The following PLXNA1 variants were observed in gnomAD, a reference collection of about 807,000 sequenced individuals.
PLXNA1 encodes plexin A1, also known as plexin-A1.
Under a neutral mutation model 191.7 loss-of-function variants are expected in PLXNA1, and 77 were observed. The observed-to-expected ratio is 0.40, with a 90% CI of 0.33 to 0.49. The LOEUF is 0.49. Ranked by LOEUF, PLXNA1 falls within the 20% of genes least tolerant of loss-of-function variation. The probability of loss-of-function intolerance (pLI) is 0.63; values close to 1 mark genes in which losing one functional copy is unlikely to be tolerated. For synonymous variants in PLXNA1, 1,137 were observed against 1,156.4 expected (o/e 0.98, Z 0.34); for missense variants, 2,110 against 2,660.2 (o/e 0.79, Z 4.55).
In PLXNA1 at chr3:127,011,939, A is replaced by C. The variant is rs1559960345; in HGVS notation, c.2113-19A>C. ...CTGGTCTCCGCCCCCGGGCTCAGCC[A>C]AACTCTTCTTATCCCCAGGACTGCC... On this transcript the variant is annotated intron_variant, in intron 9 of 31. Coordinates refer to ENST00000393409, the MANE Select transcript of PLXNA1 (RefSeq NM_032242.4). The C allele has an allele frequency of 6.2e-6, 10 of 1,606,678 alleles. No individual in the cohort carries two copies. Among genetic ancestry groups the C allele is most frequent in the Non-Finnish European group, 7.7e-6 (9 of 1,174,172 alleles).
chr3:127,010,744 T>G (rs2079091065), intron 9 of PLXNA1, among the ~76,000 whole-genome samples: 2 of 152,188 alleles, frequency 1.3e-5, no homozygotes, highest in South Asian at 4.1e-4. Flanking sequence ...TGAGCCAGCT[T>G]CATGTCTCGT....
chr3:126,992,390 T>C (rs564386715), intron 3 of PLXNA1, among the ~76,000 whole-genome samples: 1 of 152,038 alleles, frequency 6.6e-6, no homozygotes, highest in Non-Finnish European at 1.5e-5. Flanking sequence ...CTGGTGCCGA[T>C]GCAGCTCCCC....
At chr3:127,015,875 C>T (rs546457286) in intron 15 of PLXNA1, among the ~76,000 whole-genome samples, 1 of 152,232 alleles carries the variant, frequency 6.6e-6, no homozygotes, top group East Asian at 1.9e-4. Context: ...GTCCCCGTGA[C>T]CCCCACCCAG....
At chr3:127,011,566 A>G (rs2079095748) in intron 9 of PLXNA1, among the ~76,000 whole-genome samples, 1 of 152,228 alleles carries the variant, frequency 6.6e-6, no homozygotes, top group Non-Finnish European at 1.5e-5. Context: ...TGCTGGCCCC[A>G]GAGGCCAGGC....
chr3:126,999,292 C>T (rs1196429697), intron 3 of PLXNA1, among the ~76,000 whole-genome samples: 2 of 152,222 alleles, frequency 1.3e-5, no homozygotes, highest in Non-Finnish European at 2.9e-5. Context: ...TGTGAGGCCT[C>T]CACGTGTGGG....
intron 20 of PLXNA1, 109 bp from the exon 21 acceptor site, chr3:127,020,093 C>G: frequency 1.4e-6 from 2 of 1,388,604 alleles, no homozygotes; most frequent in Non-Finnish European, 2.0e-6. Flanking sequence ...GATCACGAAA[C>G]CAGTAAGTGT....
rs551412618 is a variant in PLXNA1 at position 127,031,277 on chromosome 3, G to A, written c.5231+865G>A. Among the ~76,000 whole-genome samples, 12 of 152,326 alleles carry A rather than the reference G, an allele frequency of 7.9e-5. No individual in the cohort carries two copies. The South Asian group carries it at 1.0e-3, about 13-fold the overall frequency. ...CTAGCCCCTGGAGCGGGTCCCTGCT[G>A]TGTGTGTGGCCCCCACCCCAGCAGA... On this transcript the variant is annotated intron_variant, in intron 29 of 31. Transcript: ENST00000393409.
intron 2 of PLXNA1, 105 bp downstream of exon 2, chr3:126,989,892 T>C (rs2078982476): frequency 2.9e-6 from 3 of 1,020,282 alleles, no homozygotes; most frequent in African/African-American, 3.2e-5. Context: ...GTGCCTGGCC[T>C]GGCTTTTGGC....
At position 127,031,461 on chromosome 3, in the gene PLXNA1, C is replaced by T. The variant is rs1167803406; in HGVS notation, c.5232-926C>T. On this transcript the variant is annotated intron_variant, in intron 29 of 31. Transcript: ENST00000393409. ...TGGACCCTGCTTCACCAGGAAGTGC[C>T]CCTCCTCACCGTGCATCCTGCTGGG... Among the ~76,000 whole-genome samples the T allele has an allele frequency of 3.3e-5, 5 of 152,266 alleles. No homozygotes were observed. In the South Asian group the frequency reaches 6.2e-4, roughly 19 times the overall value.
Position 127,022,065 on chromosome 3 carries a change from A to C in PLXNA1, c.4039-20A>C, listed in dbSNP as rs1397094209. 1 of 1,604,854 alleles carries C rather than the reference A, an allele frequency of 6.2e-7. No individual in the cohort carries two copies. The highest frequency in any genetic ancestry group is 2.2e-5 in the East Asian group (1 of 44,702). ...GGGCTGGGTGCTTCTCTGTGGTCTG[A>C]GCTCTGTGTGCTCCCTCAGGTGCAG... On this transcript the variant is annotated intron_variant, in intron 21 of 31. Coordinates refer to ENST00000393409, the MANE Select transcript of PLXNA1 (RefSeq NM_032242.4).
At chr3:126,992,096 C>A (rs1219061725) in intron 3 of PLXNA1, among the ~76,000 whole-genome samples, 1 of 152,138 alleles carries the variant, frequency 6.6e-6, no homozygotes, top group African/African-American at 2.4e-5. Context: ...CAGCACACAG[C>A]CCTGGGCTGG....
intron 23 of PLXNA1, among the ~76,000 whole-genome samples, chr3:127,023,380 A>G (rs2079161475): frequency 6.6e-6 from 1 of 152,106 alleles, no homozygotes; most frequent in South Asian, 2.1e-4. Flanking sequence ...TGCACTTTCG[A>G]TGTTGGGACT....
At chr3:127,011,016 G>A (rs993907582) in intron 9 of PLXNA1, among the ~76,000 whole-genome samples, 5 of 152,198 alleles carry the variant, frequency 3.3e-5, no homozygotes, top group African/African-American at 4.8e-5. Flanking sequence ...CAAGGCCCAC[G>A]GTGGCCCGTG....
rs562933190 is a variant in PLXNA1 at position 127,012,023 on chromosome 3, C to G, written c.2178C>G (p.Thr726=). 2 of 1,613,692 alleles carry G rather than the reference C, an allele frequency of 1.2e-6. No homozygotes were observed. The highest frequency in any genetic ancestry group is 4.5e-5 in the East Asian group (2 of 44,882). ...YVPVGVVKPI[T]LAARNLPQPQ... is the part of the protein sequence containing the mutation. Reference sequence around the variant, plus strand: ...CAGTGGGAGTGGTAAAACCCATCACCCTGGCCGCACGGAACCTGCCACAGC... The same window carrying G: ...CAGTGGGAGTGGTAAAACCCATCACGCTGGCCGCACGGAACCTGCCACAGC... Residue 726 remains threonine (T), a synonymous_variant, in exon 10 of 32, where the codon ACC becomes ACG. Coordinates refer to ENST00000393409, the MANE Select transcript of PLXNA1 (RefSeq NM_032242.4).
At position 127,017,466 on chromosome 3, in the gene PLXNA1, C is replaced by T. The variant is rs2079129566; in HGVS notation, c.3318C>T (p.Ala1106=). ...VYNDTTMVCR[A]PSVANPVRSP... ...ATGACACCACCATGGTATGCCGCGC[C>T]CCGTCTGTGGCCAACCCTGTGCGCA... Residue 1106 remains alanine, a synonymous_variant, in exon 18 of 32, where the codon GCC becomes GCT. Transcript: ENST00000393409. The T allele has an allele frequency of 6.8e-6, 11 of 1,613,236 alleles. No individual in the cohort carries two copies. The highest frequency in any genetic ancestry group is 9.3e-6 in the Non-Finnish European group (11 of 1,180,018).
At chr3:127,023,758 G>A (rs2079163541) in intron 23 of PLXNA1, among the ~76,000 whole-genome samples, 2 of 152,218 alleles carry the variant, frequency 1.3e-5, no homozygotes, top group African/African-American at 4.8e-5. Context: ...GCTGCCGGGA[G>A]AGACACTGGA....
intron 20 of PLXNA1, among the ~76,000 whole-genome samples, chr3:127,019,746 T>A (rs2079143438): frequency 6.6e-6 from 1 of 152,166 alleles, no homozygotes; most frequent in African/African-American, 2.4e-5. Context: ...GAGGCAGAGC[T>A]GGCCCTGAGC....
At chr3:127,003,644 G>T (rs1248028701) in intron 4 of PLXNA1, among the ~76,000 whole-genome samples, 174 bp downstream of exon 4, 1 of 152,230 alleles carries the variant, frequency 6.6e-6, no homozygotes, top group African/African-American at 2.4e-5. Flanking sequence ...TGTGGGCTCG[G>T]CTGGGTCTGC....
intron 25 of PLXNA1, 59 bp from the exon 26 acceptor site, chr3:127,028,933 GT>G: frequency 7.3e-7 from 1 of 1,361,956 alleles, no homozygotes; most frequent in Non-Finnish European, 1.0e-6. Flanking sequence ...CTACACTGCT[GT>G]GATGGAGGAG....
Sources: allele counts gnomAD v4.1 joint callset (sites outside exome capture counted in the v4.1 genomes callset), GRCh38; gene constraint gnomAD v4.1.1; transcripts MANE v1.5; gene names NCBI Gene and HGNC (gene_info 2026-07-23, HGNC 2026-07-21).